The following CDH12 variants were observed in gnomAD, a reference collection of about 807,000 sequenced individuals.
CDH12 encodes cadherin 12, also known as cadherin-12.
A neutral mutation model predicts 74.1 loss-of-function variants in CDH12; 41 were observed. The observed-to-expected ratio is 0.55, with a 90% CI of 0.43 to 0.72. CDH12 has a LOEUF of 0.72. CDH12 is among the 30% of genes least tolerant of loss of function. The pLI, the probability that CDH12 is intolerant of heterozygous loss-of-function variation, is 0.00. For missense variants in CDH12, 945 were observed against 977.2 expected, an observed-to-expected ratio of 0.97 and a Z score of 0.44; for synonymous variants, 399 against 355.0, an observed-to-expected ratio of 1.12 and a Z score of -1.39.
chr5:21,851,576 G>A (rs1750471294), intron 7 of CDH12, among the ~76,000 whole-genome samples: 1 of 151,042 alleles, frequency 6.6e-6, no homozygotes, highest in South Asian at 2.1e-4. Context: ...CATTTTGAGT[G>A]TTTTAAATGT....
intron 2 of CDH12, among the ~76,000 whole-genome samples, chr5:22,490,616 A>G (rs903658484): frequency 1.3e-5 from 2 of 152,210 alleles, no homozygotes; most frequent in Non-Finnish European, 2.9e-5. Context: ...TTAGAATTGA[A>G]GTAATTAAAG....
chr5:22,425,010 A>T (rs548489779), intron 2 of CDH12, among the ~76,000 whole-genome samples: 99 of 150,316 alleles, frequency 6.6e-4, no homozygotes, highest in Admixed American at 4.2e-3. Flanking sequence ...TCCATACATG[A>T]TATATCTGCA....
At chr5:22,112,632 T>A (rs1247622975) in intron 4 of CDH12, among the ~76,000 whole-genome samples, 2 of 150,442 alleles carry the variant, frequency 1.3e-5, no homozygotes, top group Non-Finnish European at 3.0e-5. Flanking sequence ...TTAAAAACTC[T>A]AACACTAAGA....
intron 1 of CDH12, among the ~76,000 whole-genome samples, chr5:22,762,784 G>A (rs1046001631): frequency 2.0e-5 from 3 of 151,964 alleles, no homozygotes; most frequent in African/African-American, 7.2e-5. Flanking sequence ...AACATGTCTT[G>A]TATTAGGACC....
intron 6 of CDH12, among the ~76,000 whole-genome samples, chr5:21,877,744 A>G (rs189535082): frequency 1.3e-5 from 2 of 152,352 alleles, no homozygotes; most frequent in African/African-American, 4.8e-5. Flanking sequence ...AAAAGAATGC[A>G]ATAAACCAAT....
intron 4 of CDH12, among the ~76,000 whole-genome samples, chr5:22,118,264 G>T (rs1047891835): frequency 6.6e-6 from 1 of 152,070 alleles, no homozygotes; most frequent in Non-Finnish European, 1.5e-5. Flanking sequence ...TGCACAATCT[G>T]GAAGCCACTT....
intron 9 of CDH12, among the ~76,000 whole-genome samples, chr5:21,814,383 C>G (rs1747927953): frequency 6.6e-6 from 1 of 151,866 alleles, no homozygotes; most frequent in South Asian, 2.1e-4. Flanking sequence ...CAGATATGTT[C>G]TTATTGCTTT....
intron 5 of CDH12, among the ~76,000 whole-genome samples, chr5:22,063,208 C>CAA (rs1741315079): frequency 6.6e-6 from 1 of 151,962 alleles, no homozygotes; most frequent in East Asian, 1.9e-4. Flanking sequence ...TTTTCTAATA[C>CAA]AAAACAACAT....
intron 3 of CDH12, among the ~76,000 whole-genome samples, chr5:22,287,921 T>C (rs1737226959): frequency 6.6e-6 from 1 of 152,162 alleles, no homozygotes; most frequent in Non-Finnish European, 1.5e-5. Flanking sequence ...TTCTAAGATA[T>C]GGCTATTCCG....
intron 5 of CDH12, among the ~76,000 whole-genome samples, chr5:21,987,476 A>G (rs1177822050): frequency 2.0e-5 from 3 of 152,188 alleles, no homozygotes; most frequent in Non-Finnish European, 4.4e-5. Flanking sequence ...AACAAGAGGG[A>G]TAATGCTGGA....
intron 5 of CDH12, among the ~76,000 whole-genome samples, chr5:21,979,161 AAC>A (rs1727534289): frequency 6.6e-6 from 1 of 152,216 alleles, no homozygotes. Context: ...ATTTAAAACT[AAC>A]AGCTAGAAAT....
chr5:22,421,324 G>A (rs4701279), intron 2 of CDH12, among the ~76,000 whole-genome samples: 1 of 151,914 alleles, frequency 6.6e-6, no homozygotes, highest in Non-Finnish European at 1.5e-5. Flanking sequence ...TTCTCCTAAT[G>A]CTAGCCCTCC....
intron 12 of CDH12, among the ~76,000 whole-genome samples, chr5:21,762,499 A>C: frequency 6.6e-6 from 1 of 152,112 alleles, no homozygotes; most frequent in Non-Finnish European, 1.5e-5. Context: ...ACATATATAC[A>C]TTTCTCATAT....
chr5:22,428,005 G>C (rs542955335), intron 2 of CDH12, among the ~76,000 whole-genome samples: 88 of 152,194 alleles, frequency 5.8e-4, no homozygotes, highest in African/African-American at 2.0e-3. Flanking sequence ...CTACTAGTAG[G>C]TTCTACTATA....
chr5:22,314,941 C>CTTTT (rs759734847), intron 3 of CDH12, among the ~76,000 whole-genome samples: 2,900 of 67,720 alleles, frequency 0.043, 954 homozygotes, highest in Non-Finnish European at 0.054. Flanking sequence ...CTGGGTTGGT[C>CTTTT]TTTTTTTTTT....
intron 4 of CDH12, among the ~76,000 whole-genome samples, chr5:22,201,225 G>C (rs1561214650): frequency 6.6e-6 from 1 of 152,122 alleles, no homozygotes; most frequent in African/African-American, 2.4e-5. Flanking sequence ...ACCATATAAA[G>C]ATGTGGAATC....
intron 1 of CDH12, among the ~76,000 whole-genome samples, chr5:22,839,866 G>T (rs1352465539): frequency 6.6e-6 from 1 of 152,114 alleles, no homozygotes; most frequent in Non-Finnish European, 1.5e-5. Context: ...CAAAAAGAAT[G>T]GCAGGCAGAG....
At chr5:22,264,693 C>G (rs939445497) in intron 3 of CDH12, among the ~76,000 whole-genome samples, 4 of 152,152 alleles carry the variant, frequency 2.6e-5, no homozygotes, top group African/African-American at 9.7e-5. Flanking sequence ...ACAAATCACA[C>G]CTCACTGGCC....
intron 3 of CDH12, among the ~76,000 whole-genome samples, chr5:22,369,856 T>C (rs1250623592): frequency 6.6e-6 from 1 of 152,202 alleles, no homozygotes; most frequent in African/African-American, 2.4e-5. Flanking sequence ...CCCTGTCTTT[T>C]AGAAAGAAAA....
Sources: allele counts gnomAD v4.1 joint callset (sites outside exome capture counted in the v4.1 genomes callset), GRCh38; gene constraint gnomAD v4.1.1; transcripts MANE v1.5; gene names NCBI Gene and HGNC (gene_info 2026-07-23, HGNC 2026-07-21).